Variants in SEMA3A observed in about 807,000 individuals in gnomAD.
The protein encoded by SEMA3A is semaphorin 3A.
Under a neutral mutation model 97.9 loss-of-function variants are expected in SEMA3A, and 29 were observed. The observed-to-expected ratio is 0.30, with a 90% CI of 0.22 to 0.40. The LOEUF (loss-of-function observed/expected upper bound fraction) is 0.40, where lower values mean the gene tolerates loss of function less well. Among genes scored for constraint, SEMA3A ranks in the 10% least tolerant of loss-of-function variants. The probability of loss-of-function intolerance (pLI) is 1.00; values close to 1 mark genes in which losing one functional copy is unlikely to be tolerated. For synonymous variants in SEMA3A, 321 were observed against 323.7 expected, an observed-to-expected ratio of 0.99 and a Z score of 0.09; for missense variants, 763 against 951.3, an observed-to-expected ratio of 0.80 and a Z score of 2.60.
chr7:84,312,031 A>G (rs530164063), intron 2 of SEMA3A, among the ~76,000 whole-genome samples: 4 of 151,976 alleles, frequency 2.6e-5, no homozygotes, highest in African/African-American at 9.6e-5. Flanking sequence ...AGGACCTACA[A>G]TACCTCTGTA....
intron 3 of SEMA3A, among the ~76,000 whole-genome samples, chr7:84,127,501 T>C (rs1795834355): frequency 1.3e-5 from 2 of 152,174 alleles, no homozygotes; most frequent in Non-Finnish European, 2.9e-5. Context: ...ATTGCAGCAG[T>C]ACCCCTGAAT....
intron 1 of SEMA3A, among the ~76,000 whole-genome samples, chr7:84,388,309 T>C (rs1039981902): frequency 2.0e-5 from 3 of 152,192 alleles, no homozygotes; most frequent in Admixed American, 2.0e-4. Context: ...ACCATAACCA[T>C]AACCTTTTAT....
chr7:84,087,387 C>T (rs567372147), intron 4 of SEMA3A, among the ~76,000 whole-genome samples: 1 of 152,306 alleles, frequency 6.6e-6, no homozygotes, highest in African/African-American at 2.4e-5. Flanking sequence ...GACATGGAGT[C>T]ATTCATTTCT....
rs113790836 is a variant in SEMA3A at position 84,308,734 on chromosome 7, C to G, written c.-168-1442G>C. ...TTTAGGGAGGAGAAATGGTATTGAT[C>G]AGGAAGCGGCACTGAGGAGCAAAGA... On this transcript the variant is annotated intron_variant, in intron 2 of 3. Transcript: ENST00000424555. 6.6e-5 allele frequency among the ~76,000 whole-genome samples: 10 copies of G among 152,076 alleles called. 1 individual carries two copies. In the South Asian group the frequency reaches 8.3e-4, roughly 13 times the overall value.
At chr7:84,385,186 T>C (rs75682865) in intron 1 of SEMA3A, among the ~76,000 whole-genome samples, 2,360 of 152,108 alleles carry the variant, frequency 0.016, 66 homozygotes, top group African/African-American at 0.053. Context: ...CACTAGTCCA[T>C]AGACGTTTTG....
At chr7:84,438,864 G>A (rs1224700952) in intron 1 of SEMA3A, among the ~76,000 whole-genome samples, 1 of 151,820 alleles carries the variant, frequency 6.6e-6, no homozygotes, top group Non-Finnish European at 1.5e-5. Flanking sequence ...TCTTATTTCA[G>A]CTTATAACAG....
At chr7:84,325,119 CTATCTATCTATCTATCT>C (rs1279944368) in intron 2 of SEMA3A, among the ~76,000 whole-genome samples, 3 of 48,616 alleles carry the variant, frequency 6.2e-5, no homozygotes, top group Non-Finnish European at 1.6e-4. Context: ...GTATATATCT[CTATCTATCTATCTATCT>C]ATCTATCTAT....
rs17158451 is a variant in SEMA3A, at chr7:83,985,404, G to A, written c.1494+32C>T. 12,813 of 1,487,736 alleles carry A rather than the reference G, an allele frequency of 8.6e-3. 948 individuals are homozygous for A. In the African/African-American group the frequency reaches 0.16, roughly 18 times the overall value. The allele number at this position is 1,487,736 out of a possible 1,614,324, so 92.2% of individuals were successfully genotyped here. A position where few individuals can be genotyped will look rare whatever the true frequency, so the allele number is the denominator to read the frequency against. On this transcript the variant is annotated intron_variant, in intron 13 of 16. Coordinates refer to ENST00000265362, the MANE Select transcript of SEMA3A (RefSeq NM_006080.3). ...GAAACACCAGAATTAACAAAATATTGGATATTCAATGGTAATACATAATGA... is the reference window on the plus strand; with the variant it reads ...GAAACACCAGAATTAACAAAATATTAGATATTCAATGGTAATACATAATGA...
chr7:84,072,532 A>C (rs890587534), intron 4 of SEMA3A, among the ~76,000 whole-genome samples: 7 of 152,142 alleles, frequency 4.6e-5, no homozygotes, highest in African/African-American at 1.7e-4. Flanking sequence ...TATATAATTT[A>C]TTTTTGATAT....
At chr7:84,436,365 A>T (rs1012977872) in intron 1 of SEMA3A, among the ~76,000 whole-genome samples, 2 of 152,218 alleles carry the variant, frequency 1.3e-5, no homozygotes, top group African/African-American at 4.8e-5. Context: ...TCTGCACAGC[A>T]GAATAAACTA....
At chr7:84,058,954 C>T (rs537965401) in intron 5 of SEMA3A, among the ~76,000 whole-genome samples, 11 of 152,032 alleles carry the variant, frequency 7.2e-5, no homozygotes, top group Non-Finnish European at 1.2e-4. Context: ...TCTTTCTCAG[C>T]GGAATATTAA....
rs1799666952 is a variant in SEMA3A at position 84,254,169 on chromosome 7, T to C, written c.-83+53038A>G. Among the ~76,000 whole-genome samples, 3 of 152,276 alleles carry C rather than the reference T, an allele frequency of 2.0e-5. No individual in the cohort carries two copies. In the South Asian group the frequency reaches 6.2e-4, roughly 32 times the overall value. ...ATTTAATCATCTCAGTCTTTTATTC[T>C]AAACTTCTCATGATGACAACAAGGG... On this transcript the variant is annotated intron_variant, in intron 3 of 3. Coordinates refer to the SEMA3A transcript ENST00000424555.
intron 6 of SEMA3A, among the ~76,000 whole-genome samples, chr7:84,038,057 A>C (rs567525744): frequency 6.6e-6 from 1 of 152,280 alleles, no homozygotes; most frequent in East Asian, 1.9e-4. Flanking sequence ...GAACATTTTT[A>C]ATGCTTTTTT....
chr7:84,067,327 A>T (rs1028790035), intron 4 of SEMA3A, among the ~76,000 whole-genome samples: 1 of 152,294 alleles, frequency 6.6e-6, no homozygotes, highest in East Asian at 1.9e-4. Flanking sequence ...CCCTAGAAGA[A>T]AACCTAGGCA....
At chr7:84,390,074 T>A (rs1803501480) in intron 1 of SEMA3A, among the ~76,000 whole-genome samples, 1 of 152,214 alleles carries the variant, frequency 6.6e-6, no homozygotes, top group Middle Eastern at 3.4e-3. Context: ...ACTCGGTTTG[T>A]TATGATTATT....
chr7:84,408,743 AG>A (rs1804178603), intron 1 of SEMA3A, among the ~76,000 whole-genome samples: 2 of 151,826 alleles, frequency 1.3e-5, no homozygotes, highest in Middle Eastern at 3.4e-3. Flanking sequence ...TGTCCTTTGT[AG>A]GGACATGGAT....
At chr7:84,098,762 A>T (rs2115887095) in intron 4 of SEMA3A, among the ~76,000 whole-genome samples, 1 of 152,236 alleles carries the variant, frequency 6.6e-6, no homozygotes, top group African/African-American at 2.4e-5. Context: ...GGGGTATAAT[A>T]TTGATGCCAT....
At chr7:84,104,568 A>T (rs2115914262) in intron 4 of SEMA3A, among the ~76,000 whole-genome samples, 1 of 152,278 alleles carries the variant, frequency 6.6e-6, no homozygotes, top group Middle Eastern at 3.4e-3. Flanking sequence ...TAAAATGCTC[A>T]ATTGAAATGT....
intron 4 of SEMA3A, among the ~76,000 whole-genome samples, chr7:84,108,351 A>AG (rs1795172761): frequency 6.6e-6 from 1 of 151,820 alleles, no homozygotes; most frequent in Non-Finnish European, 1.5e-5. Context: ...TACAGGGAAA[A>AG]AAAAAAAGAA....
Sources: allele counts gnomAD v4.1 joint callset (sites outside exome capture counted in the v4.1 genomes callset), GRCh38; gene constraint gnomAD v4.1.1; transcripts MANE v1.5; gene names NCBI Gene and HGNC (gene_info 2026-07-23, HGNC 2026-07-21).